The following ADAM12 variants were observed in gnomAD, a reference collection of about 807,000 sequenced individuals.
ADAM12 encodes ADAM metallopeptidase domain 12.
A neutral mutation model predicts 106.4 loss-of-function variants in ADAM12; 70 were observed. That is an observed-to-expected ratio of 0.66 (90% CI 0.54 to 0.80). ADAM12 has a LOEUF of 0.80. Ranked by LOEUF, ADAM12 falls within the 30% of genes least tolerant of loss-of-function variation. ADAM12 has a pLI of 0.00. For missense variants in ADAM12, 1,010 were observed against 1,171.9 expected (o/e 0.86, Z 2.02); for synonymous variants, 420 against 433.5 (o/e 0.97, Z 0.39).
At chr10:126,100,533 C>A (rs1418130504) in intron 9 of ADAM12, among the ~76,000 whole-genome samples, 1 of 145,448 alleles carries the variant, frequency 6.9e-6, no homozygotes. Flanking sequence ...GAAACCCTGT[C>A]TCTACTAAAA....
At chr10:126,111,339 T>C (rs1358545164) in intron 6 of ADAM12, among the ~76,000 whole-genome samples, 2 of 152,196 alleles carry the variant, frequency 1.3e-5, no homozygotes, top group African/African-American at 4.8e-5. Flanking sequence ...AGAAAAGACA[T>C]TTGCCCCCAT....
chr10:126,092,563 G>T (rs1259478731), intron 11 of ADAM12, among the ~76,000 whole-genome samples: 1 of 152,198 alleles, frequency 6.6e-6, no homozygotes, highest in Non-Finnish European at 1.5e-5. Flanking sequence ...ACACATGTTA[G>T]TATCTTGAGT....
intron 2 of ADAM12, among the ~76,000 whole-genome samples, chr10:126,299,478 A>C (rs552675022): frequency 1.3e-5 from 2 of 152,196 alleles, no homozygotes; most frequent in Non-Finnish European, 2.9e-5. Context: ...AACTTGCCCA[A>C]GGTTACCTGG....
intron 2 of ADAM12, among the ~76,000 whole-genome samples, chr10:126,319,592 G>T (rs554358818): frequency 6.6e-6 from 1 of 152,104 alleles, no homozygotes; most frequent in East Asian, 1.9e-4. Context: ...CAACCAAGAG[G>T]AGCCTTCAGA....
intron 11 of ADAM12, among the ~76,000 whole-genome samples, chr10:126,072,563 C>T (rs547111417): frequency 6.6e-6 from 1 of 152,256 alleles, no homozygotes; most frequent in South Asian, 2.1e-4. Flanking sequence ...TCCTAACTCA[C>T]TGTATGGAGG....
rs368530591 is a variant in ADAM12 at position 126,059,361 on chromosome 10, A to G, written c.1609+5445T>C. On this transcript the variant is annotated intron_variant, in intron 14 of 22. Transcript: ENST00000448723. Reference sequence around the variant, plus strand: ...CACAGACAAAGGCATTTTTACAGACAACTGGAGACTGTATTGTCCTTCCCA... The same window carrying G: ...CACAGACAAAGGCATTTTTACAGACGACTGGAGACTGTATTGTCCTTCCCA... Among the ~76,000 whole-genome samples, 18 of 152,322 alleles carry G rather than the reference A, an allele frequency of 1.2e-4. No homozygotes were observed. In the South Asian group the frequency reaches 3.7e-3, roughly 32 times the overall value.
rs772890542 is a variant in ADAM12 at position 126,064,856 on chromosome 10, T to C, written c.1559A>G (p.Asn520Ser). Reference sequence around the variant, plus strand: ...CTGCTCGTGAGTCTGGCAGATGCCATTGTAGCAGTAGCCGTCCACATCCTG... The same window carrying C: ...CTGCTCGTGAGTCTGGCAGATGCCACTGTAGCAGTAGCCGTCCACATCCTG... ...SCQDVDGYCY[N>S]GICQTHEQQC... The change falls in exon 14 of 23, where the codon AAT (asparagine) becomes AGT (serine). Residue 520 changes from asparagine to serine, a missense_variant. By Grantham distance (46) the Asn-to-Ser change is conservative. Transcript: ENST00000448723. This position sits in a 1 kb window ranked among gnomAD's most constrained non-coding sequence, Gnocchi z 4.4. The C allele has an allele frequency of 2.1e-5, 34 of 1,612,340 alleles. No homozygotes were observed. The Admixed American group carries it at 3.2e-4, about 15-fold the overall frequency.
rs1406109985 is a variant in ADAM12, at chr10:126,015,927, G to A, written c.*1352C>T. On this transcript the variant is annotated 3_prime_UTR_variant, in exon 23 of 23. Transcript: ENST00000448723. Reference sequence around the variant, plus strand: ...GGCTCCCTAGTCAGGCATTTGAAGAGTGAAGAGTTCAAGGGGATGCTGCCC... The same window carrying A: ...GGCTCCCTAGTCAGGCATTTGAAGAATGAAGAGTTCAAGGGGATGCTGCCC... The A allele has an allele frequency of 3.3e-5, 5 of 152,196 alleles. No homozygotes were observed. Among genetic ancestry groups the A allele is most frequent in the Non-Finnish European group, 7.3e-5 (5 of 68,038 alleles). The allele number at this position is 152,196 out of a possible 1,614,324, so 9.4% of individuals were successfully genotyped here. A position where few individuals can be genotyped will look rare whatever the true frequency, so the allele number is the denominator to read the frequency against.
intron 1 of ADAM12, among the ~76,000 whole-genome samples, chr10:126,348,132 G>A (rs768550319): frequency 1.3e-4 from 20 of 152,144 alleles, no homozygotes; most frequent in Non-Finnish European, 2.4e-4. Flanking sequence ...TAGAAGTTAC[G>A]GACAGAGAGA....
intron 3 of ADAM12, among the ~76,000 whole-genome samples, chr10:126,204,418 C>T (rs1957758706): frequency 6.6e-6 from 1 of 152,192 alleles, no homozygotes; most frequent in Non-Finnish European, 1.5e-5. Flanking sequence ...AAATTAGCCT[C>T]ACCTAGCAGT....
At chr10:126,218,523 C>A (rs1958030685) in intron 3 of ADAM12, among the ~76,000 whole-genome samples, 1 of 152,156 alleles carries the variant, frequency 6.6e-6, no homozygotes, top group African/African-American at 2.4e-5. Context: ...TTCCTCCCTG[C>A]AGGTGCTTGG....
At chr10:126,338,491 A>T (rs1381746958) in intron 1 of ADAM12, among the ~76,000 whole-genome samples, 1 of 151,848 alleles carries the variant, frequency 6.6e-6, no homozygotes, top group East Asian at 1.9e-4. Flanking sequence ...TGACCTCGTG[A>T]TCCGCCCGCC....
In ADAM12 at chr10:126,145,900, G is replaced by A. The variant is rs543961926; in HGVS notation, c.339+9327C>T. On this transcript the variant is annotated intron_variant, in intron 4 of 22. Transcript: ENST00000448723. Reference sequence around the variant, plus strand: ...AGGTAGGGCCGTCACCACTGTGGAGGGTGATACTGGTCTAAGAAATTTGAA... The same window carrying A: ...AGGTAGGGCCGTCACCACTGTGGAGAGTGATACTGGTCTAAGAAATTTGAA... 2.0e-5 allele frequency among the ~76,000 whole-genome samples: 3 copies of A among 152,346 alleles called. No individual in the cohort carries two copies. In the South Asian group the frequency reaches 6.2e-4, roughly 32 times the overall value.
chr10:126,117,269 G>A (rs1956001508), intron 6 of ADAM12, among the ~76,000 whole-genome samples: 1 of 152,204 alleles, frequency 6.6e-6, no homozygotes, highest in Admixed American at 6.5e-5. Context: ...CCTTAGGGGT[G>A]GAGGTTTCAT....
rs11406158 is a variant in ADAM12 at position 126,049,711 on chromosome 10, A to ATT, written c.1610-44_1610-43dup. The stretch of plus-strand genomic sequence containing the variant: ...ACTGCATTTTCATCTCCTGCAGGTG[A>ATT]TTTTTTTTTTTTCATGGCTGTAGGC... On this transcript the variant is annotated intron_variant, in intron 14 of 22. Coordinates refer to ENST00000448723, the MANE Select transcript of ADAM12 (RefSeq NM_001288973.2). The surrounding 1 kb of genome is among the most constrained non-coding windows in gnomAD (Gnocchi z 4.4). 2.5e-4 allele frequency: 330 copies of ATT among 1,319,960 alleles called. No individual in the cohort carries two copies. In the African/African-American group the frequency reaches 3.1e-3, roughly 12 times the overall value. 81.8% of individuals were successfully genotyped at this position (1,319,960 alleles called of 1,614,324 possible).
intron 5 of ADAM12, among the ~76,000 whole-genome samples, chr10:126,130,654 G>A (rs1273558672): frequency 6.6e-6 from 1 of 152,204 alleles, no homozygotes; most frequent in Non-Finnish European, 1.5e-5. Flanking sequence ...GAAGGAACTG[G>A]CAACCCTGAC....
chr10:126,136,227 C>T (rs531387992), intron 4 of ADAM12, among the ~76,000 whole-genome samples: 2 of 152,216 alleles, frequency 1.3e-5, no homozygotes, highest in South Asian at 4.1e-4. Context: ...CAAAAGTTCC[C>T]GTGTGTCATG....
chr10:126,197,848 A>T (rs936092972), intron 3 of ADAM12, among the ~76,000 whole-genome samples: 15 of 152,218 alleles, frequency 9.9e-5, no homozygotes, highest in Non-Finnish European at 1.6e-4. Context: ...GTGGAGAAGA[A>T]GCAAGAAAAT....
chr10:126,348,272 C>T (rs1855221946), intron 1 of ADAM12, among the ~76,000 whole-genome samples: 1 of 152,126 alleles, frequency 6.6e-6, no homozygotes, highest in Non-Finnish European at 1.5e-5. Context: ...AGGGATAGTG[C>T]CTTTAAGAGC....
Sources: allele counts gnomAD v4.1 joint callset (sites outside exome capture counted in the v4.1 genomes callset), GRCh38; gene constraint gnomAD v4.1.1; non-coding constraint Gnocchi (gnomAD v3.1); transcripts MANE v1.5; gene names NCBI Gene and HGNC (gene_info 2026-07-23, HGNC 2026-07-21).